ERBB4: variants seen among roughly 807,000 people sequenced by gnomAD.
The protein encoded by ERBB4 is receptor tyrosine-protein kinase erbB-4.
ERBB4 carries 42 observed loss-of-function variants against 158.0 expected under a neutral mutation model. The observed-to-expected ratio is 0.27, with a 90% CI of 0.21 to 0.34. ERBB4 has a LOEUF of 0.34. Among genes scored for constraint, ERBB4 ranks in the 10% least tolerant of loss-of-function variants. ERBB4 has a pLI of 1.00. For synonymous variants in ERBB4, 583 were observed against 558.7 expected, an observed-to-expected ratio of 1.04 and a Z score of -0.61; for missense variants, 1,333 against 1,624.1, an observed-to-expected ratio of 0.82 and a Z score of 3.08.
At chr2:211,702,373 A>C (rs2073285829) in intron 11 of ERBB4, among the ~76,000 whole-genome samples, 1 of 152,218 alleles carries the variant, frequency 6.6e-6, no homozygotes, top group Non-Finnish European at 1.5e-5. Context: ...CATTGCTTAC[A>C]GTTATGCATA....
At chr2:211,916,157 AATTATT>A (rs912040311) in intron 3 of ERBB4, among the ~76,000 whole-genome samples, 2 of 151,352 alleles carry the variant, frequency 1.3e-5, no homozygotes, top group East Asian at 3.9e-4. Context: ...TATTGGATGA[AATTATT>A]ATTATTATTA....
intron 25 of ERBB4, among the ~76,000 whole-genome samples, chr2:211,407,598 T>C (rs576295586): frequency 1.9e-4 from 29 of 152,360 alleles, no homozygotes; most frequent in Admixed American, 5.2e-4. Context: ...CTGCAAGAGA[T>C]ATAGTCATAG....
At chr2:211,423,926 G>T (rs1363148885) in intron 23 of ERBB4, among the ~76,000 whole-genome samples, 2 of 151,852 alleles carry the variant, frequency 1.3e-5, no homozygotes, top group African/African-American at 4.8e-5. Flanking sequence ...CAATTTGACT[G>T]TCATGGAGAT....
intron 20 of ERBB4, among the ~76,000 whole-genome samples, chr2:211,488,252 A>T (rs368854240): frequency 1.1e-4 from 17 of 152,112 alleles, no homozygotes; most frequent in African/African-American, 4.1e-4. Flanking sequence ...TATCCTGAGC[A>T]CTGTGTTCAA....
chr2:212,058,505 C>A (rs1424563625), intron 2 of ERBB4, among the ~76,000 whole-genome samples: 2 of 152,116 alleles, frequency 1.3e-5, no homozygotes, highest in Non-Finnish European at 2.9e-5. Flanking sequence ...AATTTTAGAC[C>A]AATATCCCTG....
chr2:211,844,130 G>A (rs915498731), intron 3 of ERBB4, among the ~76,000 whole-genome samples: 3 of 73,062 alleles, frequency 4.1e-5, no homozygotes, highest in African/African-American at 4.4e-5. Flanking sequence ...TGTGAGAAAT[G>A]AAAACACTAA....
At chr2:212,472,722 G>A (rs1689179359) in intron 1 of ERBB4, among the ~76,000 whole-genome samples, 1 of 150,492 alleles carries the variant, frequency 6.6e-6, no homozygotes, top group African/African-American at 2.5e-5. Flanking sequence ...AAAATGTCAT[G>A]TGTTTGCATG....
chr2:211,831,427 A>G (rs1417813360), intron 3 of ERBB4, among the ~76,000 whole-genome samples: 1 of 152,156 alleles, frequency 6.6e-6, no homozygotes, highest in African/African-American at 2.4e-5. Context: ...CCAAATCACC[A>G]CCACTAATTT....
At chr2:211,420,254 T>C (rs2063486701) in intron 25 of ERBB4, among the ~76,000 whole-genome samples, 187 bp downstream of exon 25, 1 of 152,054 alleles carries the variant, frequency 6.6e-6, no homozygotes, top group African/African-American at 2.4e-5. Flanking sequence ...GTATTGTCCA[T>C]GCTTGTCTTC....
chr2:211,603,993 T>G (rs1408175423), intron 19 of ERBB4, among the ~76,000 whole-genome samples: 3 of 152,256 alleles, frequency 2.0e-5, no homozygotes, highest in African/African-American at 7.2e-5. Context: ...TATTACAGGA[T>G]ACCACATTTC....
At chr2:212,526,585 G>A (rs1171801158) in intron 1 of ERBB4, among the ~76,000 whole-genome samples, 2 of 151,758 alleles carry the variant, frequency 1.3e-5, no homozygotes, top group African/African-American at 4.8e-5. Context: ...ATTATTAACT[G>A]TTTAGTTGAT....
intron 1 of ERBB4, among the ~76,000 whole-genome samples, chr2:212,238,465 C>A (rs1202887651): frequency 1.3e-5 from 2 of 152,154 alleles, no homozygotes; most frequent in African/African-American, 2.4e-5. Context: ...AATGCAGAAA[C>A]CACCTGCCTT....
chr2:211,619,902 G>A (rs566586772), intron 18 of ERBB4, among the ~76,000 whole-genome samples: 64 of 152,192 alleles, frequency 4.2e-4, no homozygotes, highest in South Asian at 1.0e-3. Flanking sequence ...ATGTGTGTGC[G>A]TGAAGGAATT....
At chr2:212,020,006 G>T (rs191756759) in intron 2 of ERBB4, among the ~76,000 whole-genome samples, 2 of 152,018 alleles carry the variant, frequency 1.3e-5, no homozygotes, top group African/African-American at 4.8e-5. Context: ...CCTTACTCTG[G>T]AAAGTATAAT....
At chr2:211,411,334 T>C (rs573230349) in intron 25 of ERBB4, among the ~76,000 whole-genome samples, 4 of 152,310 alleles carry the variant, frequency 2.6e-5, no homozygotes, top group African/African-American at 7.2e-5. Flanking sequence ...ATTTTTGTTA[T>C]ATATAAATTA....
At position 211,838,896 on chromosome 2, in the gene ERBB4, C is replaced by G. The variant is rs372797596; in HGVS notation, c.422-50737G>C. On this transcript the variant is annotated intron_variant, in intron 3 of 27. Coordinates refer to ENST00000342788, the MANE Select transcript of ERBB4 (RefSeq NM_005235.3). ...AGCTATTGAACTCTGATTTTTCACCCAAGGAAAAGCTATTTTCTAAGCATC... is the reference window on the plus strand; with the variant it reads ...AGCTATTGAACTCTGATTTTTCACCGAAGGAAAAGCTATTTTCTAAGCATC... Among the ~76,000 whole-genome samples, 7 of 151,896 alleles carry G rather than the reference C, an allele frequency of 4.6e-5. No individual in the cohort carries two copies. The East Asian group carries it at 1.2e-3, about 25-fold the overall frequency.
At chr2:212,314,285 T>C (rs1045899310) in intron 1 of ERBB4, among the ~76,000 whole-genome samples, 2 of 151,108 alleles carry the variant, frequency 1.3e-5, no homozygotes, top group South Asian at 2.1e-4. Flanking sequence ...CTCAACTTGG[T>C]TGACATTTTT....
At chr2:212,431,269 CA>C (rs1400117262) in intron 1 of ERBB4, among the ~76,000 whole-genome samples, 1 of 135,202 alleles carries the variant, frequency 7.4e-6, no homozygotes, top group Non-Finnish European at 1.5e-5. Context: ...CATCTCATCT[CA>C]GTTGATGGCA....
At chr2:211,400,740 T>C (rs954340950) in intron 25 of ERBB4, among the ~76,000 whole-genome samples, 5 of 151,662 alleles carry the variant, frequency 3.3e-5, no homozygotes, top group African/African-American at 1.2e-4. Flanking sequence ...CTATAGTCAA[T>C]AGTAATTTAG....
Sources: allele counts gnomAD v4.1 joint callset (sites outside exome capture counted in the v4.1 genomes callset), GRCh38; gene constraint gnomAD v4.1.1; transcripts MANE v1.5; gene names NCBI Gene and HGNC (gene_info 2026-07-23, HGNC 2026-07-21).